Variants in TANC1 observed in about 807,000 individuals in gnomAD.
TANC1 encodes tetratricopeptide repeat, ankyrin repeat and coiled-coil containing 1.
TANC1 carries 77 observed loss-of-function variants against 149.7 expected under a neutral mutation model. The observed-to-expected ratio is 0.51, with a 90% CI of 0.43 to 0.62. TANC1 has a LOEUF of 0.62. Ranked by LOEUF, TANC1 falls within the 20% of genes least tolerant of loss-of-function variation. The pLI is 0.00. For missense variants in TANC1, 1,985 were observed against 2,321.8 expected, an observed-to-expected ratio of 0.85 and a Z score of 2.98; for synonymous variants, 854 against 925.0, an observed-to-expected ratio of 0.92 and a Z score of 1.39.
intron 2 of TANC1, among the ~76,000 whole-genome samples, chr2:159,034,645 A>G (rs1313697319): frequency 6.6e-6 from 1 of 152,194 alleles, no homozygotes; most frequent in Admixed American, 6.5e-5. Context: ...TGGGATGGAA[A>G]TTGGTATGTT....
intron 2 of TANC1, among the ~76,000 whole-genome samples, chr2:159,021,562 CTG>C (rs2038834559): frequency 6.6e-6 from 1 of 151,902 alleles, no homozygotes; most frequent in Admixed American, 6.6e-5. Flanking sequence ...AGGATCATGT[CTG>C]TGAATAGCCA....
intron 4 of TANC1, among the ~76,000 whole-genome samples, chr2:159,103,968 T>C (rs1162712925): frequency 1.0e-5 from 1 of 95,962 alleles, no homozygotes; most frequent in East Asian, 2.3e-4. Flanking sequence ...CATGGATCCA[T>C]GAGGCTGCTT....
intron 19 of TANC1, among the ~76,000 whole-genome samples, chr2:159,207,237 A>G (rs1182903334): frequency 6.6e-6 from 1 of 152,262 alleles, no homozygotes; most frequent in Non-Finnish European, 1.5e-5. Context: ...ATTAGAGGGG[A>G]ACACAATCCT....
intron 16 of TANC1, among the ~76,000 whole-genome samples, chr2:159,193,313 C>T (rs1387413827): frequency 6.6e-6 from 1 of 152,186 alleles, no homozygotes; most frequent in Admixed American, 6.5e-5. Context: ...CCTTTTTAAG[C>T]AGGAATAATC....
chr2:159,047,587 A>T (rs1446297121), intron 2 of TANC1, among the ~76,000 whole-genome samples: 1 of 152,110 alleles, frequency 6.6e-6, no homozygotes, highest in African/African-American at 2.4e-5. Flanking sequence ...AGAAACTCAA[A>T]AGAATGCAAC....
At chr2:159,068,801 A>T (rs1269428290) in intron 3 of TANC1, among the ~76,000 whole-genome samples, 1 of 152,152 alleles carries the variant, frequency 6.6e-6, no homozygotes, top group East Asian at 1.9e-4. Context: ...GCAGTTGTGC[A>T]CCATCTCCAC....
At chr2:158,973,838 A>C (rs1055087080) in intron 1 of TANC1, among the ~76,000 whole-genome samples, 4 of 152,312 alleles carry the variant, frequency 2.6e-5, no homozygotes, top group Admixed American at 1.3e-4. Context: ...ACTTGTCCAC[A>C]TTCTGTGGGA....
chr2:158,997,334 C>T (rs1247393898), intron 1 of TANC1, among the ~76,000 whole-genome samples: 1 of 152,162 alleles, frequency 6.6e-6, no homozygotes, highest in Non-Finnish European at 1.5e-5. Flanking sequence ...TAGAACGAAC[C>T]TTGTGGGACT....
intron 2 of TANC1, among the ~76,000 whole-genome samples, chr2:159,064,654 A>G (rs113390974): frequency 6.6e-6 from 1 of 152,290 alleles, no homozygotes; most frequent in African/African-American, 2.4e-5. Context: ...TGGGAAAACA[A>G]ATACAGGCTT....
chr2:159,095,166 T>C (rs187936892), intron 3 of TANC1, among the ~76,000 whole-genome samples: 2 of 152,134 alleles, frequency 1.3e-5, no homozygotes, highest in Admixed American at 1.3e-4. Flanking sequence ...CAGGCTGGTC[T>C]CGAACTCCTG....
intron 16 of TANC1, among the ~76,000 whole-genome samples, 200 bp from the exon 17 acceptor site, chr2:159,194,057 T>G (rs13432079): frequency 0.034 from 5,134 of 152,214 alleles, 117 homozygotes; most frequent in African/African-American, 0.065. Context: ...CATCTTACTG[T>G]TTCCCAGTAA....
chr2:159,187,955 A>T, intron 16 of TANC1, among the ~76,000 whole-genome samples: 1 of 152,228 alleles, frequency 6.6e-6, no homozygotes. Flanking sequence ...TAAGACAGTA[A>T]ATTTAAAGGT....
In TANC1 at chr2:159,087,167, G is replaced by A. The variant is rs552817180; in HGVS notation, c.62-10470G>A. On this transcript the variant is annotated intron_variant, in intron 3 of 26. Transcript: ENST00000263635. ...GTTCAAAAAGCCCGTTCCTGAAAGAGAAGGCTGTGGAAGAGGGGCAGTTGA... is the reference window on the plus strand; with the variant it reads ...GTTCAAAAAGCCCGTTCCTGAAAGAAAAGGCTGTGGAAGAGGGGCAGTTGA... 2.6e-5 allele frequency among the ~76,000 whole-genome samples: 4 copies of A among 152,242 alleles called. No homozygotes were observed. In the East Asian group the frequency reaches 5.8e-4, roughly 22 times the overall value.
intron 14 of TANC1, among the ~76,000 whole-genome samples, chr2:159,184,096 GT>G (rs2150584932): frequency 6.6e-6 from 1 of 152,330 alleles, no homozygotes; most frequent in African/African-American, 2.4e-5. Flanking sequence ...TAGCCATGTG[GT>G]CTTGCATAAG....
chr2:159,017,838 A>C (rs939633514), intron 2 of TANC1, among the ~76,000 whole-genome samples: 8 of 152,154 alleles, frequency 5.3e-5, no homozygotes, highest in Non-Finnish European at 1.0e-4. Context: ...ACAAACCTGC[A>C]TATTCTGCAC....
At chr2:159,039,894 C>G (rs1461762333) in intron 2 of TANC1, among the ~76,000 whole-genome samples, 2 of 152,098 alleles carry the variant, frequency 1.3e-5, no homozygotes, top group Non-Finnish European at 2.9e-5. Flanking sequence ...GAGTTCAAGT[C>G]CTGGCTATCC....
At chr2:159,037,341 G>A (rs1033833011) in intron 2 of TANC1, among the ~76,000 whole-genome samples, 4 of 152,076 alleles carry the variant, frequency 2.6e-5, no homozygotes, top group Admixed American at 6.5e-5. Flanking sequence ...AGTTTCTTTT[G>A]CTGTGCAGAA....
intron 1 of TANC1, among the ~76,000 whole-genome samples, chr2:158,992,873 C>G (rs1219943512): frequency 6.6e-6 from 1 of 151,982 alleles, no homozygotes; most frequent in East Asian, 1.9e-4. Flanking sequence ...TCCTCCTTGG[C>G]TTTTTAAATA....
At chr2:159,229,225 T>TG (rs1376851345) in intron 26 of TANC1, among the ~76,000 whole-genome samples, 1 of 152,020 alleles carries the variant, frequency 6.6e-6, no homozygotes, top group Non-Finnish European at 1.5e-5. Flanking sequence ...AGTTCAGAGG[T>TG]GGGGAAGAGT....
Sources: allele counts gnomAD v4.1 joint callset (sites outside exome capture counted in the v4.1 genomes callset), GRCh38; gene constraint gnomAD v4.1.1; transcripts MANE v1.5; gene names NCBI Gene and HGNC (gene_info 2026-07-23, HGNC 2026-07-21).